Variants in MAP4 observed in about 807,000 individuals in gnomAD.
MAP4 encodes microtubule associated protein 4.
In MAP4, 76 loss-of-function variants were observed where a neutral mutation model predicts 170.2. That is an observed-to-expected ratio of 0.45 (90% CI 0.37 to 0.54). The LOEUF (loss-of-function observed/expected upper bound fraction) is 0.54, where lower values mean the gene tolerates loss of function less well. Among genes scored for constraint, MAP4 ranks in the 20% least tolerant of loss-of-function variants. The pLI is 0.00. For synonymous variants in MAP4, 909 were observed against 994.5 expected (o/e 0.91, Z 1.62); for missense variants, 2,506 against 2,748.0 (o/e 0.91, Z 1.97).
chr3:48,075,889 C>G lies in MAP4; in HGVS notation c.-20+12884G>C, dbSNP rs193080919. On this transcript the variant is annotated intron_variant, in intron 1 of 18. Coordinates refer to the MAP4 transcript ENST00000360240. ...ACTTGGGAGGCTGAGGCAGGAGAAT[C>G]GCTTGAACCCGGGAGGTGGAGGCTG... Among the ~76,000 whole-genome samples the G allele has an allele frequency of 8.1e-5, 12 of 148,114 alleles. No individual in the cohort carries two copies. The East Asian group carries it at 2.0e-3, about 25-fold the overall frequency.
intron 1 of MAP4, among the ~76,000 whole-genome samples, chr3:48,084,589 T>C (rs1250408967): frequency 6.6e-6 from 1 of 151,232 alleles, no homozygotes; most frequent in Admixed American, 6.6e-5. Context: ...TTTTTTTTTT[T>C]GCAGGGGTGA....
chr3:47,957,407 G>A (rs926379003), intron 3 of MAP4, among the ~76,000 whole-genome samples: 2 of 152,068 alleles, frequency 1.3e-5, no homozygotes, highest in African/African-American at 4.8e-5. Context: ...CTAACCTCAG[G>A]CAATCTGCCC....
intron 1 of MAP4, among the ~76,000 whole-genome samples, chr3:48,072,719 A>G (rs1168489190): frequency 1.3e-5 from 2 of 152,182 alleles, no homozygotes; most frequent in Non-Finnish European, 2.9e-5. Flanking sequence ...CCTGGACCTC[A>G]GGAAGCATTT....
At chr3:48,028,875 G>A (rs1274958453) in intron 1 of MAP4, among the ~76,000 whole-genome samples, 1 of 152,062 alleles carries the variant, frequency 6.6e-6, no homozygotes, top group South Asian at 2.1e-4. Context: ...AGGCACCGTG[G>A]CAAAGGTCTG....
At chr3:47,939,185 T>C (rs972416794) in intron 3 of MAP4, among the ~76,000 whole-genome samples, 3 of 152,200 alleles carry the variant, frequency 2.0e-5, no homozygotes, top group Non-Finnish European at 4.4e-5. Flanking sequence ...TCTGATGACT[T>C]TAATGCTCAT....
intron 3 of MAP4, among the ~76,000 whole-genome samples, chr3:47,953,505 G>A (rs370832821): frequency 2.0e-5 from 3 of 152,250 alleles, no homozygotes; most frequent in South Asian, 2.1e-4. Context: ...CTGAGTGACC[G>A]AGTGAGAGCC....
In MAP4 at chr3:47,910,624, T is replaced by C. The variant is rs754900388; in HGVS notation, c.3797A>G (p.Lys1266Arg). 4.2e-5 allele frequency: 65 copies of C among 1,536,032 alleles called. No individual in the cohort carries two copies. The South Asian group carries it at 5.5e-4, about 13-fold the overall frequency. Residue 1266 changes from lysine (K) to arginine (R), a missense_variant, in exon 9 of 21, where the codon AAA (lysine) becomes AGA (arginine). Coordinates refer to ENST00000683076, the MANE Select transcript of MAP4 (RefSeq NM_001385682.1). ...KSKEIGFTFP[K>R]MHDSSFSHTP... ...ATGTGAGAACGAAGAATCATGCATT[T>C]TGGGGAAAGTAAATCCTATTTCCTT... is the stretch of plus-strand genomic sequence containing the variant.
intron 1 of MAP4, among the ~76,000 whole-genome samples, chr3:48,005,218 G>C (rs58069364): frequency 0.044 from 6,710 of 152,190 alleles, 499 homozygotes; most frequent in African/African-American, 0.15. Flanking sequence ...AAAATTAGCC[G>C]GGCGTGGTGG....
intron 1 of MAP4, among the ~76,000 whole-genome samples, chr3:48,070,212 T>TC (rs2100140290): frequency 6.6e-6 from 1 of 151,704 alleles, no homozygotes; most frequent in South Asian, 2.1e-4. Flanking sequence ...TCTTTTTTTT[T>TC]CTCCCTCCTC....
At chr3:48,063,231 G>C (rs1245149669) in intron 1 of MAP4, among the ~76,000 whole-genome samples, 1 of 151,444 alleles carries the variant, frequency 6.6e-6, no homozygotes, top group Non-Finnish European at 1.5e-5. Context: ...GTGCTGACAA[G>C]GATGTCAAAC....
chr3:47,892,682 AG>A, intron 10 of MAP4: 2 of 1,378,700 alleles, frequency 1.5e-6, no homozygotes, highest in South Asian at 3.7e-5. Flanking sequence ...AAAGAAAGAA[AG>A]GAAGAATGAA....
At chr3:47,989,733 C>T (rs910794145) in intron 2 of MAP4, among the ~76,000 whole-genome samples, 5 of 152,134 alleles carry the variant, frequency 3.3e-5, no homozygotes, top group African/African-American at 1.2e-4. Flanking sequence ...GTATATTTCC[C>T]TGCCAGATAA....
chr3:47,882,829 CAG>C (rs1310927612), intron 10 of MAP4, among the ~76,000 whole-genome samples: 3 of 151,722 alleles, frequency 2.0e-5, no homozygotes, highest in Non-Finnish European at 4.4e-5. Flanking sequence ...TTTTTAAAGA[CAG>C]AGTCTCACTC....
intron 1 of MAP4, among the ~76,000 whole-genome samples, chr3:48,053,989 AG>A (rs1471671106): frequency 2.0e-5 from 3 of 152,216 alleles, no homozygotes; most frequent in Non-Finnish European, 2.9e-5. Context: ...TTTTGCAAAA[AG>A]AAAAAATAAA....
At chr3:47,951,919 G>C (rs535012186) in intron 3 of MAP4, among the ~76,000 whole-genome samples, 177 of 151,606 alleles carry the variant, frequency 1.2e-3, no homozygotes, top group Non-Finnish European at 2.1e-3. Context: ...GCCTCTTCCC[G>C]GCCGCCATCC....
intron 1 of MAP4, among the ~76,000 whole-genome samples, chr3:48,005,870 A>C (rs2100102040): frequency 6.6e-6 from 1 of 152,246 alleles, no homozygotes; most frequent in Non-Finnish European, 1.5e-5. Flanking sequence ...TACAAAATTG[A>C]AATACGAGGG....
At chr3:48,065,577 A>G (rs2100137926) in intron 1 of MAP4, among the ~76,000 whole-genome samples, 1 of 152,226 alleles carries the variant, frequency 6.6e-6, no homozygotes, top group Non-Finnish European at 1.5e-5. Context: ...CACTATCCCT[A>G]GCGGACTATA....
At position 47,911,001 on chromosome 3, in the gene MAP4, C is replaced by T. The variant is rs533845922; in HGVS notation, c.3420G>A (p.Gly1140=). The change falls in exon 9 of 21, where the codon GGG becomes GGA. Residue 1140 remains glycine (G), a synonymous_variant. Coordinates refer to ENST00000683076, the MANE Select transcript of MAP4 (RefSeq NM_001385682.1). The surrounding 1 kb of genome is among the most constrained non-coding windows in gnomAD (Gnocchi z 4.0). ...KADLTEAVVM[G]EPKEMTQPKV... ...TAGGCTGAGTCATCTCTTTAGGCTCCCCCATCACCACTGCCTCCGTGAGAT... is the reference window on the plus strand; with the variant it reads ...TAGGCTGAGTCATCTCTTTAGGCTCTCCCATCACCACTGCCTCCGTGAGAT... 33 of 1,536,172 alleles carry T rather than the reference C, an allele frequency of 2.1e-5. No homozygotes were observed. The South Asian group carries it at 3.9e-4, about 18-fold the overall frequency.
At chr3:48,061,020 T>C (rs918420740) in intron 1 of MAP4, among the ~76,000 whole-genome samples, 1 of 151,986 alleles carries the variant, frequency 6.6e-6, no homozygotes, top group Non-Finnish European at 1.5e-5. Flanking sequence ...AATTTTTTTG[T>C]ATTTTTAGTA....
Sources: allele counts gnomAD v4.1 joint callset (sites outside exome capture counted in the v4.1 genomes callset), GRCh38; gene constraint gnomAD v4.1.1; non-coding constraint Gnocchi (gnomAD v3.1); transcripts MANE v1.5; gene names NCBI Gene and HGNC (gene_info 2026-07-23, HGNC 2026-07-21).